DIDO1: variants seen among roughly 807,000 people sequenced by gnomAD.
DIDO1 encodes death inducer-obliterator 1.
Under a neutral mutation model 99.4 loss-of-function variants are expected in DIDO1, and 16 were observed. The ratio of observed to expected loss-of-function variants is 0.16; its 90% CI spans 0.11 to 0.24. DIDO1 has a LOEUF of 0.24. DIDO1 is among the 10% of genes least tolerant of loss of function. The probability of loss-of-function intolerance (pLI) is 1.00; values close to 1 mark genes in which losing one functional copy is unlikely to be tolerated. For missense variants in DIDO1, 2,996 were observed against 3,014.0 expected (o/e 0.99, Z 0.14); for synonymous variants, 1,366 against 1,239.1 (o/e 1.10, Z -2.15).
chr20:62,881,354 C>A lies in DIDO1; in HGVS notation c.4602G>T (p.Leu1534=), dbSNP rs2064202251. 1.2e-6 allele frequency: 2 copies of A among 1,605,804 alleles called. No homozygotes were observed. Among genetic ancestry groups the A allele is most frequent in the South Asian group, 1.1e-5 (1 of 91,064 alleles). The change falls in exon 16 of 16, where the codon CTG becomes CTT. Residue 1534 remains leucine, a synonymous_variant. Coordinates refer to ENST00000395343, the MANE Select transcript of DIDO1 (RefSeq NM_001193369.2). The surrounding 1 kb of genome is among the most constrained non-coding windows in gnomAD (Gnocchi z 8.3). ...CTGCAGACTGCTGCTCTTGCTGGAA[C>A]AGCTCTGCCTTGGGCAAGGACGACT... ...PPKSSLPKAE[L]FQQEQQSADK...
chr20:62,936,828 C>T (rs1001315805), intron 1 of DIDO1, among the ~76,000 whole-genome samples: 1 of 152,244 alleles, frequency 6.6e-6, no homozygotes, highest in Non-Finnish European at 1.5e-5. Context: ...GGCGCCACTG[C>T]GCTCCAGCCT....
At chr20:62,921,489 A>T (rs1433995808) in intron 1 of DIDO1, among the ~76,000 whole-genome samples, 1 of 151,994 alleles carries the variant, frequency 6.6e-6, no homozygotes, top group East Asian at 1.9e-4. Context: ...GTCTACTCTC[A>T]TTCAGTTTCA....
rs202021461 is a variant in DIDO1, at chr20:62,894,579, C to T, written c.2437-31G>A. The T allele has an allele frequency of 8.5e-4, 1,360 of 1,597,364 alleles. 4 individuals carry two copies. Among genetic ancestry groups the T allele is most frequent in the South Asian group, 2.8e-3 (252 of 90,516 alleles). On this transcript the variant is annotated intron_variant, in intron 10 of 15. Coordinates refer to ENST00000395343, the MANE Select transcript of DIDO1 (RefSeq NM_001193369.2). This position sits in a 1 kb window ranked among gnomAD's most constrained non-coding sequence, Gnocchi z 4.4. ...AAAGAAAAAGAAAAAAAAGTGAGGTCGTTTCTTCTCCAAACTCAGCTCCAA... is the reference window on the plus strand; with the variant it reads ...AAAGAAAAAGAAAAAAAAGTGAGGTTGTTTCTTCTCCAAACTCAGCTCCAA...
At chr20:62,887,414 C>T (rs2064313009) in intron 15 of DIDO1, 1 of 985,306 alleles carries the variant, frequency 1.0e-6, no homozygotes. Flanking sequence ...TACAGAAAGA[C>T]ACTATGGATT....
At chr20:62,922,880 G>A (rs553736481) in intron 1 of DIDO1, among the ~76,000 whole-genome samples, 4 of 152,228 alleles carry the variant, frequency 2.6e-5, no homozygotes, top group Non-Finnish European at 4.4e-5. Context: ...TGACCCAGGA[G>A]AAATTAAGTA....
At chr20:62,884,727 C>T (rs996326102) in intron 15 of DIDO1, among the ~76,000 whole-genome samples, 7 of 152,216 alleles carry the variant, frequency 4.6e-5, no homozygotes, top group African/African-American at 1.2e-4. Flanking sequence ...CACTTCCTCC[C>T]TCCTGGAGAG....
At chr20:62,936,800 G>A (rs1601062377) in intron 1 of DIDO1, among the ~76,000 whole-genome samples, 1 of 152,188 alleles carries the variant, frequency 6.6e-6, no homozygotes, top group South Asian at 2.1e-4. Flanking sequence ...GGAGGCGGAG[G>A]TTGCAGTGAG....
intron 1 of DIDO1, among the ~76,000 whole-genome samples, chr20:62,918,905 C>T (rs1219985719): frequency 6.6e-6 from 1 of 152,154 alleles, no homozygotes; most frequent in African/African-American, 2.4e-5. Context: ...AAAGATTACC[C>T]AATGAAAGAC....
intron 15 of DIDO1, chr20:62,887,675 G>C (rs1471107791): frequency 3.0e-6 from 3 of 985,196 alleles, no homozygotes; most frequent in African/African-American, 1.7e-5. Flanking sequence ...CTGCGGTCCA[G>C]TCCTGTAAGG....
upstream of DIDO1, among the ~76,000 whole-genome samples, chr20:62,930,143 G>A (rs2065317742): frequency 6.6e-6 from 1 of 152,018 alleles, no homozygotes; most frequent in Non-Finnish European, 1.5e-5. Context: ...GGGAGGCTAA[G>A]GTAGGAGAAT....
Position 62,905,942 on chromosome 20 carries a change from G to A in DIDO1, c.1533C>T (p.Tyr511=), listed in dbSNP as rs1450152600. 1 of 1,613,976 alleles carries A rather than the reference G, an allele frequency of 6.2e-7. No homozygotes were observed. Among genetic ancestry groups the A allele is most frequent in the South Asian group, 1.1e-5 (1 of 91,080 alleles). Reference sequence around the variant, plus strand: ...CAGTCTTTTCTGGCTTTACTGCATTGTAATTGTGATCGCTCGCCCACGACG... The same window carrying A: ...CAGTCTTTTCTGGCTTTACTGCATTATAATTGTGATCGCTCGCCCACGACG... The part of the protein sequence containing the change: ...STPSWASDHN[Y]NAVKPEKTAA... Residue 511 remains tyrosine, a synonymous_variant, in exon 6 of 16, where the codon TAC becomes TAT. Transcript: ENST00000395343.
rs764830059 is a variant in DIDO1, at chr20:62,911,356, C to T, written c.257G>A (p.Arg86Lys). 1.2e-6 allele frequency: 2 copies of T among 1,610,018 alleles called. No homozygotes were observed. Among genetic ancestry groups the T allele is most frequent in the Admixed American group, 3.3e-5 (2 of 60,016 alleles). The change falls in exon 3 of 16, where the codon AGG becomes AAG. Residue 86 changes from arginine (R) to lysine (K), a missense_variant. Coordinates refer to ENST00000395343, the MANE Select transcript of DIDO1 (RefSeq NM_001193369.2). The surrounding 1 kb of genome is among the most constrained non-coding windows in gnomAD (Gnocchi z 7.0). Reference protein sequence around the residue: ...QFLTIARRRGRRSMPVSLEDS... With the variant: ...QFLTIARRRGKRSMPVSLEDS... ...CTCCAGGGAGACAGGCATGCTCCTC[C>T]TGCCGCGGCGCCGCGCAATGGTCAG... is the stretch of plus-strand genomic sequence containing the variant.
upstream of DIDO1, among the ~76,000 whole-genome samples, chr20:62,927,528 G>C (rs1463646232): frequency 6.6e-6 from 1 of 152,228 alleles, no homozygotes; most frequent in Non-Finnish European, 1.5e-5. Flanking sequence ...GGACCTGGGG[G>C]GGGTGGAGGT....
intron 3 of DIDO1, 97 bp downstream of exon 3, chr20:62,910,677 C>G (rs1025149908): frequency 5.1e-6 from 7 of 1,368,084 alleles, no homozygotes; most frequent in Non-Finnish European, 7.0e-6. Context: ...CAACAAATCG[C>G]TCATCCAGCC....
intron 15 of DIDO1, chr20:62,889,843 T>TA: frequency 3.0e-6 from 3 of 985,450 alleles, no homozygotes; most frequent in Non-Finnish European, 3.6e-6. Flanking sequence ...CGCCAGCAAA[T>TA]ATTTAACCCT....
upstream of DIDO1, among the ~76,000 whole-genome samples, chr20:62,927,660 C>T (rs542670627): frequency 9.2e-5 from 14 of 152,348 alleles, no homozygotes; most frequent in East Asian, 2.7e-3. Flanking sequence ...GTAAAGCTGC[C>T]CCTAATACAG....
chr20:62,919,016 C>T (rs2065087986), intron 1 of DIDO1, among the ~76,000 whole-genome samples: 1 of 152,172 alleles, frequency 6.6e-6, no homozygotes, highest in Non-Finnish European at 1.5e-5. Context: ...CAGCCACCAG[C>T]AGCAGCCGTT....
Position 62,911,037 on chromosome 20 carries a change from G to A in DIDO1, c.576C>T (p.Arg192=), listed in dbSNP as rs746468951. The A allele has an allele frequency of 1.9e-6, 3 of 1,613,712 alleles. No individual in the cohort carries two copies. The highest frequency in any genetic ancestry group is 2.5e-6 in the Non-Finnish European group (3 of 1,180,016). ...CAGTCTCGGCGGGACCCTCCTCCCG[G>A]CGCTTCTTCCGCAGGCGACTCTGGA... ...KGIQSRLRKK[R]REEGPAETVG... is the part of the protein sequence containing the mutation. The change falls in exon 3 of 16, where the codon CGC becomes CGT. Residue 192 remains arginine, a synonymous_variant. Coordinates refer to ENST00000395343, the MANE Select transcript of DIDO1 (RefSeq NM_001193369.2). This position sits in a 1 kb window ranked among gnomAD's most constrained non-coding sequence, Gnocchi z 7.0.
Position 62,879,892 on chromosome 20 carries a change from C to T in DIDO1, c.6064G>A (p.Gly2022Ser), listed in dbSNP as rs1203506419. ...GGAAGCTCCAGCAGGGGCCTGGGGC[C>T]CGGCTTCATCACCTGCGGGGCCTGG... ...QGQAPQVMKP[G>S]PRPLLELPSH... Residue 2022 changes from glycine to serine, a missense_variant, in exon 16 of 16, where the codon GGC becomes AGC. Physicochemically the swap from Gly to Ser is moderately conservative, Grantham distance 56 (BLOSUM62 0). Around this residue, in one of 5 missense-constraint regions of DIDO1, gnomAD observed 1,562 missense variants for 1,412.6 expected, o/e 1.11. Coordinates refer to ENST00000395343, the MANE Select transcript of DIDO1 (RefSeq NM_001193369.2). This position sits in a 1 kb window ranked among gnomAD's most constrained non-coding sequence, Gnocchi z 6.3. The T allele has an allele frequency of 2.5e-6, 4 of 1,586,500 alleles. No homozygotes were observed. In the Admixed American group the frequency reaches 5.5e-5, roughly 22 times the overall value.
Sources: gnomAD v4.1 joint callset for allele counts (sites outside exome capture counted in the v4.1 genomes callset) on GRCh38, gnomAD v4.1.1 for gene constraint, gnomAD v4.1.1 regional missense constraint, Gnocchi (gnomAD v3.1) non-coding constraint, MANE v1.5 for transcripts, NCBI Gene and HGNC (gene_info 2026-07-23, HGNC 2026-07-21) for gene names.